Variants in POC1A observed in about 807,000 individuals in gnomAD.
POC1A encodes the protein POC1 centriolar protein A, also known as POC1 centriolar protein homolog A.
A neutral mutation model predicts 47.8 loss-of-function variants in POC1A; 34 were observed. That is an observed-to-expected ratio of 0.71 (90% CI 0.54 to 0.95). POC1A has a LOEUF of 0.95. Among genes scored for constraint, POC1A ranks in the 40% least tolerant of loss-of-function variants. The probability of loss-of-function intolerance (pLI) is 0.00; values close to 1 mark genes in which losing one functional copy is unlikely to be tolerated. For synonymous variants in POC1A, 177 were observed against 207.6 expected (o/e 0.85, Z 1.27); for missense variants, 466 against 528.3 (o/e 0.88, Z 1.16).
Position 52,149,939 on chromosome 3 carries a change from T to G in POC1A, c.152A>C (p.Gln51Pro). 1 of 1,613,780 alleles carries G rather than the reference T, an allele frequency of 6.2e-7. No individual in the cohort carries two copies. Among genetic ancestry groups the G allele is most frequent in the South Asian group, 1.1e-5 (1 of 91,090 alleles). Residue 51 changes from glutamine (Q) to proline (P), a missense_variant, in exon 3 of 11, where the codon CAG becomes CCG. Transcript: ENST00000296484. ...GCCAGTGAAGCGGTAGGCGCGTGAC[T>G]GCGGCTTCATGTGCCAGACCATGAG... is the stretch of plus-strand genomic sequence containing the variant. ...SCLMVWHMKP[Q>P]SRAYRFTGHK...
At chr3:52,091,931 G>T (rs1702657751) in intron 10 of POC1A, among the ~76,000 whole-genome samples, 1 of 152,210 alleles carries the variant, frequency 6.6e-6, no homozygotes, top group Non-Finnish European at 1.5e-5. Flanking sequence ...CCTGCCCAAG[G>T]TCACCCAGGT....
chr3:52,154,377 G>A lies in POC1A; in HGVS notation c.-5C>T. 6.7e-7 allele frequency: 1 copy of A among 1,488,376 alleles called. No individual in the cohort carries two copies. The highest frequency in any genetic ancestry group is 8.9e-7 in the Non-Finnish European group (1 of 1,126,162). 92.2% of individuals were successfully genotyped at this position (1,488,376 alleles called of 1,614,324 possible). Reference sequence around the variant, plus strand: ...TACCGCGCAGGGCGCAGCCATGGCGGGGCTGGCGGCGCCGAAGGCAGCTGC... The same window carrying A: ...TACCGCGCAGGGCGCAGCCATGGCGAGGCTGGCGGCGCCGAAGGCAGCTGC... On this transcript the variant is annotated 5_prime_UTR_variant, in exon 1 of 11. Transcript: ENST00000296484.
At chr3:52,127,491 C>G (rs1446689087) in intron 7 of POC1A, among the ~76,000 whole-genome samples, 1 of 150,024 alleles carries the variant, frequency 6.7e-6, no homozygotes, top group Admixed American at 6.6e-5. Flanking sequence ...CCTGGGTTCA[C>G]GCCATTCTCC....
intron 7 of POC1A, among the ~76,000 whole-genome samples, chr3:52,135,292 G>A (rs983369394): frequency 6.6e-6 from 1 of 152,228 alleles, no homozygotes; most frequent in East Asian, 1.9e-4. Flanking sequence ...TGTCCAGCCA[G>A]TGGACCCCGT....
chr3:52,114,047 G>C (rs150606729), intron 9 of POC1A, among the ~76,000 whole-genome samples: 23 of 152,344 alleles, frequency 1.5e-4, no homozygotes, highest in Admixed American at 1.5e-3. Flanking sequence ...GACAACCTGC[G>C]TGAGGTTACA....
chr3:52,086,122 G>A (rs1702450182), intron 10 of POC1A, among the ~76,000 whole-genome samples: 1 of 152,132 alleles, frequency 6.6e-6, no homozygotes, highest in Non-Finnish European at 1.5e-5. Context: ...TGTCTCCCTG[G>A]TGGGACTGGG....
At chr3:52,121,055 G>C (rs1577874089) in intron 9 of POC1A, among the ~76,000 whole-genome samples, 1 of 152,222 alleles carries the variant, frequency 6.6e-6, no homozygotes, top group East Asian at 1.9e-4. Context: ...TGGGCCCCCA[G>C]GTCCAGGCAT....
chr3:52,088,896 G>A (rs1414365616), intron 10 of POC1A, among the ~76,000 whole-genome samples: 5 of 124,166 alleles, frequency 4.0e-5, no homozygotes, highest in African/African-American at 1.6e-4. Flanking sequence ...CCATCTCCAA[G>A]CCAGCTCAGA....
At chr3:52,113,104 T>C (rs1220871430) in intron 9 of POC1A, among the ~76,000 whole-genome samples, 2 of 152,248 alleles carry the variant, frequency 1.3e-5, no homozygotes, top group Non-Finnish European at 2.9e-5. Context: ...GGCCTGTCTC[T>C]TCACCATCAC....
At chr3:52,081,010 A>C (rs1702262548) in intron 10 of POC1A, among the ~76,000 whole-genome samples, 1 of 152,240 alleles carries the variant, frequency 6.6e-6, no homozygotes, top group African/African-American at 2.4e-5. Context: ...TTATCTTCAA[A>C]GTCACATCTG....
At chr3:52,139,175 G>A (rs951577723) in intron 6 of POC1A, among the ~76,000 whole-genome samples, 1 of 152,124 alleles carries the variant, frequency 6.6e-6, no homozygotes, top group Non-Finnish European at 1.5e-5. Context: ...TTCTCCATCT[G>A]TACCATAGCA....
chr3:52,096,034 A>G (rs1448280849), intron 10 of POC1A, among the ~76,000 whole-genome samples: 1 of 152,276 alleles, frequency 6.6e-6, no homozygotes, highest in Non-Finnish European at 1.5e-5. Flanking sequence ...AACATTTCCC[A>G]GATTCATCTC....
chr3:52,086,324 G>C (rs571621358), intron 10 of POC1A, among the ~76,000 whole-genome samples: 4 of 152,330 alleles, frequency 2.6e-5, no homozygotes, highest in African/African-American at 9.6e-5. Flanking sequence ...GTGCTGCACT[G>C]AATGTCTAAC....
intron 10 of POC1A, among the ~76,000 whole-genome samples, chr3:52,085,397 C>A (rs1702427191): frequency 6.6e-6 from 1 of 152,220 alleles, no homozygotes; most frequent in African/African-American, 2.4e-5. Context: ...CCCTCTGCCT[C>A]CTCACTGCTT....
Position 52,148,726 on chromosome 3 carries a change from T to A in POC1A, c.455+484A>T, listed in dbSNP as rs980567697. 2.0e-5 allele frequency among the ~76,000 whole-genome samples: 3 copies of A among 152,170 alleles called. No individual in the cohort carries two copies. In the South Asian group the frequency reaches 6.2e-4, roughly 32 times the overall value. On this transcript the variant is annotated intron_variant, in intron 4 of 10. Coordinates refer to ENST00000296484, the MANE Select transcript of POC1A (RefSeq NM_015426.5). ...AGAGGAAAGTAGGCAAGCCTTACTG[T>A]CAGAGAGAGTTGGGTTCAAACTCCA... is the stretch of plus-strand genomic sequence containing the variant.
chr3:52,079,064 A>G lies in POC1A; in HGVS notation c.1126-3079T>C, dbSNP rs1424212293. Among the ~76,000 whole-genome samples, 1 of 152,166 alleles carries G rather than the reference A, an allele frequency of 6.6e-6. No homozygotes were observed. Among genetic ancestry groups the G allele is most frequent in the Non-Finnish European group, 1.5e-5 (1 of 68,014 alleles). The stretch of plus-strand genomic sequence containing the variant: ...GGGAGCTGTGGGAGGAGGGCAGGAG[A>G]GCATCTGAGGTGGCAGAAGGGGTGT... On this transcript the variant is annotated intron_variant, in intron 10 of 10. Transcript: ENST00000296484. The surrounding 1 kb of genome is among the most constrained non-coding windows in gnomAD (Gnocchi z 4.6).
At chr3:52,140,875 G>A (rs1263564334) in intron 6 of POC1A, among the ~76,000 whole-genome samples, 1 of 152,224 alleles carries the variant, frequency 6.6e-6, no homozygotes, top group South Asian at 2.1e-4. Context: ...CTACCACGAA[G>A]GCTAGGCTGT....
chr3:52,115,149 A>AT (rs1010520837), intron 9 of POC1A, among the ~76,000 whole-genome samples: 170 of 146,324 alleles, frequency 1.2e-3, no homozygotes, highest in East Asian at 5.2e-3. Flanking sequence ...CTTTAATAGT[A>AT]TTTTTTTTTT....
intron 9 of POC1A, among the ~76,000 whole-genome samples, chr3:52,100,018 T>C (rs922634218): frequency 3.9e-5 from 6 of 152,150 alleles, no homozygotes; most frequent in Non-Finnish European, 8.8e-5. Context: ...TTGGGAAATA[T>C]CACTTGGGGT....
Sources: gnomAD v4.1 joint callset for allele counts (sites outside exome capture counted in the v4.1 genomes callset) on GRCh38, gnomAD v4.1.1 for gene constraint, Gnocchi (gnomAD v3.1) non-coding constraint, MANE v1.5 for transcripts, NCBI Gene and HGNC (gene_info 2026-07-23, HGNC 2026-07-21) for gene names.